The following RPS6KA3 variants were observed in gnomAD, a reference collection of about 807,000 sequenced individuals.
The protein encoded by RPS6KA3 is ribosomal protein S6 kinase A3.
RPS6KA3 carries 4 observed loss-of-function variants against 67.2 expected under a neutral mutation model. The observed-to-expected ratio is 0.06, with a 90% CI of 0.03 to 0.14. RPS6KA3 has a LOEUF of 0.14. Among genes scored for constraint, RPS6KA3 ranks in the 10% least tolerant of loss-of-function variants. RPS6KA3 has a pLI of 1.00. For synonymous variants in RPS6KA3, 182 were observed against 183.7 expected (o/e 0.99, Z 0.07); for missense variants, 204 against 559.0 (o/e 0.36, Z 6.40).
chrX:20,182,638 T>C (rs771077858), intron 10 of RPS6KA3, among the ~76,000 whole-genome samples: 2 of 112,284 alleles, frequency 1.8e-5, no homozygotes, highest in Admixed American at 9.5e-5. Flanking sequence ...CTATTACAAA[T>C]AATGTTGCTA....
At chrX:20,255,347 G>A (rs903862240) in intron 1 of RPS6KA3, among the ~76,000 whole-genome samples, 30 of 99,676 alleles carry the variant, frequency 3.0e-4, no homozygotes, top group African/African-American at 1.2e-3. Flanking sequence ...GGGAGTGACC[G>A]CTAACATGTA....
chrX:20,190,752 C>G (rs1003504740), intron 7 of RPS6KA3, among the ~76,000 whole-genome samples: 1 of 109,849 alleles, frequency 9.1e-6, no homozygotes, highest in African/African-American at 3.3e-5. Context: ...TATCCAAAAA[C>G]AATAAAAAAA....
At chrX:20,193,090 C>T (rs772943654) in intron 7 of RPS6KA3, among the ~76,000 whole-genome samples, 33 of 111,095 alleles carry the variant, frequency 3.0e-4, no homozygotes, top group Admixed American at 4.8e-4. Flanking sequence ...CCAGCCTGGC[C>T]AACATGGTGA....
At chrX:20,170,834 A>G (rs1218128255) in intron 15 of RPS6KA3, among the ~76,000 whole-genome samples, 2 of 110,885 alleles carry the variant, frequency 1.8e-5, no homozygotes, top group Non-Finnish European at 3.8e-5. Context: ...GCTAGAGTAC[A>G]GTGGCACATA....
At chrX:20,183,727 C>T (rs1424116226) in intron 10 of RPS6KA3, among the ~76,000 whole-genome samples, 2 of 112,052 alleles carry the variant, frequency 1.8e-5, no homozygotes, top group Non-Finnish European at 3.8e-5. Flanking sequence ...ATTTTAGCTA[C>T]TCTTTGTCCT....
chrX:20,220,461 C>T (rs964255281), intron 2 of RPS6KA3, among the ~76,000 whole-genome samples: 2 of 111,348 alleles, frequency 1.8e-5, no homozygotes, highest in Non-Finnish European at 3.8e-5. Context: ...CTAGGACAAC[C>T]GCCTAACACA....
chrX:20,179,016 G>C (rs2067776598), intron 10 of RPS6KA3, among the ~76,000 whole-genome samples: 1 of 110,797 alleles, frequency 9.0e-6, no homozygotes, highest in Non-Finnish European at 1.9e-5. Flanking sequence ...TAGGAATGTG[G>C]TCAGATAGTA....
At position 20,165,111 on chromosome X, in the gene RPS6KA3, T is replaced by C. The variant is rs375905736; in HGVS notation, c.1603-51A>G. On this transcript the variant is annotated intron_variant, in intron 17 of 21. Transcript: ENST00000379565. ...TATGTTAACAATATATTTCCATTAC[T>C]GAAAGTTCTTTATTCACAAACTGTC... The C allele has an allele frequency of 2.2e-4, 215 of 991,795 alleles. 1 individual carries two copies. In the South Asian group the frequency reaches 2.6e-3, roughly 12 times the overall value. The allele number at this position is 991,795 out of a possible 1,213,427, so 81.7% of individuals were successfully genotyped here.
At chrX:20,244,922 T>C (rs780232104) in intron 1 of RPS6KA3, among the ~76,000 whole-genome samples, 2 of 112,472 alleles carry the variant, frequency 1.8e-5, no homozygotes, top group East Asian at 5.5e-4. Flanking sequence ...TCTTTAAATA[T>C]ACTCATTTTT....
chrX:20,266,891 C>G lies in RPS6KA3; in HGVS notation c.-259G>C. ...GAGAGCCTCGCGCCTCCGCTGGGCA[C>G]CGGGTCTCGCCCCTTTCTTCCTCTC... On this transcript the variant is annotated 5_prime_UTR_variant, in exon 1 of 22. Transcript: ENST00000379565. 3.7e-6 allele frequency: 2 copies of G among 546,598 alleles called. No individual in the cohort carries two copies. Among genetic ancestry groups the G allele is most frequent in the Non-Finnish European group, 4.5e-6 (2 of 448,901 alleles). 45.0% of individuals were successfully genotyped at this position (546,598 alleles called of 1,213,427 possible).
intron 7 of RPS6KA3, 69 bp from the exon 8 acceptor site, chrX:20,188,603 C>T: frequency 1.8e-6 from 1 of 545,694 alleles, no homozygotes; most frequent in Non-Finnish European, 3.2e-6. Context: ...ACTGAAATTA[C>T]ATCCTTAAGC....
At chrX:20,253,438 G>A (rs779857634) in intron 1 of RPS6KA3, among the ~76,000 whole-genome samples, 3 of 110,932 alleles carry the variant, frequency 2.7e-5, no homozygotes, top group Non-Finnish European at 5.7e-5. Flanking sequence ...ATATATGGGA[G>A]GTGACAGGAA....
intron 2 of RPS6KA3, among the ~76,000 whole-genome samples, chrX:20,232,388 T>C (rs1202066847): frequency 1.8e-5 from 2 of 111,041 alleles, no homozygotes; most frequent in Non-Finnish European, 3.8e-5. Flanking sequence ...GCCTGACCAA[T>C]ATGGTGAAAC....
chrX:20,265,060 A>G (rs2070336023), intron 1 of RPS6KA3, among the ~76,000 whole-genome samples: 1 of 112,092 alleles, frequency 8.9e-6, no homozygotes, highest in Admixed American at 9.5e-5. Flanking sequence ...TCTTAAAAAC[A>G]TGATTTCCTT....
intron 1 of RPS6KA3, among the ~76,000 whole-genome samples, chrX:20,245,661 G>A (rs899880875): frequency 6.3e-5 from 7 of 111,564 alleles, no homozygotes; most frequent in African/African-American, 2.3e-4. Context: ...CAATGGCATT[G>A]GTAATATTTT....
chrX:20,225,706 T>C (rs181928497), intron 2 of RPS6KA3, among the ~76,000 whole-genome samples: 2 of 111,768 alleles, frequency 1.8e-5, no homozygotes, highest in East Asian at 5.6e-4. Context: ...CCATGATGGC[T>C]GTAATAGGTG....
intron 7 of RPS6KA3, among the ~76,000 whole-genome samples, chrX:20,188,917 T>C (rs948229628): frequency 2.7e-5 from 3 of 112,143 alleles, no homozygotes; most frequent in Non-Finnish European, 5.6e-5. Flanking sequence ...GACATGTCAT[T>C]CTCTTGGTTA....
chrX:20,262,999 G>A (rs978404843), intron 1 of RPS6KA3, among the ~76,000 whole-genome samples: 1 of 111,228 alleles, frequency 9.0e-6, no homozygotes, highest in African/African-American at 3.3e-5. Context: ...TACTTATATA[G>A]TTGATTTTTT....
At chrX:20,259,501 G>C (rs765936079) in intron 1 of RPS6KA3, among the ~76,000 whole-genome samples, 172 of 111,033 alleles carry the variant, frequency 1.5e-3, no homozygotes, top group South Asian at 4.8e-3. Context: ...ATTTAATTTA[G>C]AAAGATTTCA....
Sources: gnomAD v4.1 joint callset for allele counts (sites outside exome capture counted in the v4.1 genomes callset) on GRCh38, gnomAD v4.1.1 for gene constraint, MANE v1.5 for transcripts, NCBI Gene and HGNC (gene_info 2026-07-23, HGNC 2026-07-21) for gene names.